The following ASGR2 variants were observed in gnomAD, a reference collection of about 807,000 sequenced individuals.
ASGR2 encodes asialoglycoprotein receptor 2.
In ASGR2, 34 loss-of-function variants were observed where a neutral mutation model predicts 32.3. The ratio of observed to expected loss-of-function variants is 1.05; its 90% CI spans 0.80 to 1.40. The LOEUF (loss-of-function observed/expected upper bound fraction) is 1.40. Ranked by LOEUF, ASGR2 falls within the 40% of genes most tolerant of loss-of-function variation. The pLI is 0.00. For missense variants in ASGR2, 385 were observed against 386.4 expected (o/e 1.00, Z 0.03); for synonymous variants, 143 against 150.0 (o/e 0.95, Z 0.34).
upstream of ASGR2, chr17:7,115,124 C>T (rs76190581): frequency 0.2 from 123,870 of 619,828 alleles, 13,773 homozygotes; most frequent in South Asian, 0.3. The surrounding 1 kb of genome is among the most constrained non-coding windows in gnomAD (Gnocchi z 4.2). Flanking sequence ...TTGCCCAATC[C>T]GGCATCTGAA....
rs994087647 is a variant in ASGR2 at position 7,113,765 on chromosome 17, G to A, written c.124+352C>T. 6.7e-6 allele frequency among the ~76,000 whole-genome samples: 1 copy of A among 148,648 alleles called. No homozygotes were observed. Among genetic ancestry groups the A allele is most frequent in the Non-Finnish European group, 1.5e-5 (1 of 67,428 alleles). ...ACATACACACACACAACATATGCAC[G>A]CTCTCGCGCACATATACACACACAC... On this transcript the variant is annotated intron_variant, in intron 2 of 8. Transcript: ENST00000691900. The surrounding 1 kb of genome is among the most constrained non-coding windows in gnomAD (Gnocchi z 5.1).
chr17:7,114,192 C>T lies in ASGR2; in HGVS notation c.49G>A (p.Asp17Asn). 1 of 1,614,170 alleles carries T rather than the reference C, an allele frequency of 6.2e-7. No individual in the cohort carries two copies. The highest frequency in any genetic ancestry group is 1.1e-5 in the South Asian group (1 of 91,078). ...CCCTCACCTTGATGGAAAGGATGGT[C>T]ATTTTCCTCCGAGCTCAGCTGCTGG... ...DIQQLSSEEN[D>N]HPFHQGEGPG... The change falls in exon 2 of 9, where the codon GAC (aspartate) becomes AAC (asparagine). Residue 17 changes from aspartate to asparagine, a missense_variant. Transcript: ENST00000691900. This position sits in a 1 kb window ranked among gnomAD's most constrained non-coding sequence, Gnocchi z 4.5.
rs1258542768 is a variant in ASGR2, at chr17:7,107,751, TACAC to T, written c.409+81_409+84del. On this transcript the variant is annotated intron_variant, in intron 5 of 8. Transcript: ENST00000691900. This position sits in a 1 kb window ranked among gnomAD's most constrained non-coding sequence, Gnocchi z 5.0. ...CACGCACGCACGCACACGTGCACAC[TACAC>T]ACACCGCACACGTACACACTACACA... is the stretch of plus-strand genomic sequence containing the variant. 1.9e-6 allele frequency: 1 copy of T among 523,686 alleles called. No homozygotes were observed. Among genetic ancestry groups the T allele is most frequent in the Admixed American group, 3.0e-5 (1 of 33,058 alleles). 32.4% of individuals were successfully genotyped at this position (523,686 alleles called of 1,614,324 possible). A position where few individuals can be genotyped will look rare whatever the true frequency, so the allele number is the denominator to read the frequency against.
In ASGR2 at chr17:7,110,957, C is replaced by T. The variant is rs991957241; in HGVS notation, c.125-2069G>A. On this transcript the variant is annotated intron_variant, in intron 2 of 8. Transcript: ENST00000691900. ...CAGGCAGAGCCCAAGAGACTCCCCACGTTGAGGAGATGGAGCTGAGAGTCC... is the reference window on the plus strand; with the variant it reads ...CAGGCAGAGCCCAAGAGACTCCCCATGTTGAGGAGATGGAGCTGAGAGTCC... Among the ~76,000 whole-genome samples, 4 of 152,202 alleles carry T rather than the reference C, an allele frequency of 2.6e-5. No homozygotes were observed. The East Asian group carries it at 7.7e-4, about 29-fold the overall frequency.
intron 2 of ASGR2, among the ~76,000 whole-genome samples, chr17:7,110,188 C>T (rs964176934): frequency 2.0e-5 from 3 of 152,154 alleles, no homozygotes; most frequent in African/African-American, 7.2e-5. Context: ...ACACCAGTGA[C>T]TTCCACCTTC....
Position 7,107,421 on chromosome 17 carries a change from T to A in ASGR2, c.410-104A>T. 1 of 1,164,822 alleles carries A rather than the reference T, an allele frequency of 8.6e-7. No individual in the cohort carries two copies. The highest frequency in any genetic ancestry group is 1.2e-6 in the Non-Finnish European group (1 of 808,386). The allele number at this position is 1,164,822 out of a possible 1,614,324, so 72.2% of individuals were successfully genotyped here. A position where few individuals can be genotyped will look rare whatever the true frequency, so the allele number is the denominator to read the frequency against. ...TATACACCCACAGACACGTACACCA[T>A]GCATAGACCACACCACACACCATAC... On this transcript the variant is annotated intron_variant, in intron 5 of 8. Coordinates refer to ENST00000691900, the MANE Select transcript of ASGR2 (RefSeq NM_001201352.2). This position sits in a 1 kb window ranked among gnomAD's most constrained non-coding sequence, Gnocchi z 5.0.
At chr17:7,104,646 A>C (rs1364994986) in intron 7 of ASGR2, among the ~76,000 whole-genome samples, 1 of 151,272 alleles carries the variant, frequency 6.6e-6, no homozygotes, top group African/African-American at 2.4e-5. Context: ...GCAAGTCTCC[A>C]TTTCAAAAAA....
In ASGR2 at chr17:7,108,815, G is replaced by A; in HGVS notation, c.198C>T (p.Phe66=). The change falls in exon 3 of 9, where the codon TTC becomes TTT. Residue 66 remains phenylalanine, a synonymous_variant. Transcript: ENST00000691900. The surrounding 1 kb of genome is among the most constrained non-coding windows in gnomAD (Gnocchi z 4.9). ...MVCFSLLALS[F]NILLLVVICV... ...AGATGACCACCAGCAGCAGGATGTT[G>A]AAGCTCAGGGCAAGCAGACTGAAGC... is the stretch of plus-strand genomic sequence containing the variant. 6.2e-7 allele frequency: 1 copy of A among 1,614,044 alleles called. No individual in the cohort carries two copies. The highest frequency in any genetic ancestry group is 8.5e-7 in the Non-Finnish European group (1 of 1,179,992).
At position 7,108,905 on chromosome 17, in the gene ASGR2, T is replaced by G; in HGVS notation, c.125-17A>C. 6.5e-7 allele frequency: 1 copy of G among 1,548,214 alleles called. No individual in the cohort carries two copies. Among genetic ancestry groups the G allele is most frequent in the South Asian group, 1.2e-5 (1 of 84,822 alleles). On this transcript the variant is annotated splice_polypyrimidine_tract_variant and intron_variant, in intron 2 of 8. Coordinates refer to ENST00000691900, the MANE Select transcript of ASGR2 (RefSeq NM_001201352.2). This position sits in a 1 kb window ranked among gnomAD's most constrained non-coding sequence, Gnocchi z 4.9. ...GAGGTGGCCCTGTGGGAGAGGGGCA[T>G]CAGGAGCCGGCAGCCTGGGTGTGGG...
rs1267343217 is a variant in ASGR2, at chr17:7,114,166, CCCCTCA to C, written c.69_74del (p.Glu24_Gly25del). 3.1e-6 allele frequency: 5 copies of C among 1,614,214 alleles called. No homozygotes were observed. In the South Asian group the frequency reaches 5.5e-5, roughly 18 times the overall value. The stretch of plus-strand genomic sequence containing the variant: ...TGGGATTCAGCCTGCGAGTGCCTGG[CCCCTCA>C]CCTTGATGGAAAGGATGGTCATTTT... On this transcript the variant is annotated inframe_deletion, in exon 2 of 9. Transcript: ENST00000691900. This position sits in a 1 kb window ranked among gnomAD's most constrained non-coding sequence, Gnocchi z 4.5.
intron 7 of ASGR2, among the ~76,000 whole-genome samples, chr17:7,104,372 C>CAAAAAA (rs1478649379): frequency 1.2e-5 from 1 of 85,038 alleles, no homozygotes; most frequent in Admixed American, 1.3e-4. Flanking sequence ...AAAAAAAAAG[C>CAAAAAA]CAGGCGTAGT....
At position 7,108,988 on chromosome 17, in the gene ASGR2, G is replaced by T; in HGVS notation, c.125-100C>A. ...TGAGGAGGCATAACCTGGGCGGGGG[G>T]ATTGGTTGGGGCCATGGGGGGGGGT... is the stretch of plus-strand genomic sequence containing the variant. On this transcript the variant is annotated intron_variant, in intron 2 of 8. Coordinates refer to ENST00000691900, the MANE Select transcript of ASGR2 (RefSeq NM_001201352.2). This position sits in a 1 kb window ranked among gnomAD's most constrained non-coding sequence, Gnocchi z 4.9. The T allele has an allele frequency of 9.5e-5, 70 of 740,402 alleles. No homozygotes were observed. The highest frequency in any genetic ancestry group is 8.7e-5 in the East Asian group (2 of 23,110). 45.9% of individuals were successfully genotyped at this position (740,402 alleles called of 1,614,324 possible).
Position 7,113,327 on chromosome 17 carries a change from AAC to A in ASGR2, c.124+788_124+789del, listed in dbSNP as rs766808851. Among the ~76,000 whole-genome samples the A allele has an allele frequency of 3.5e-5, 5 of 141,672 alleles. No individual in the cohort carries two copies. The highest frequency in any genetic ancestry group is 2.5e-4 in the South Asian group (1 of 4,000). 92.9% of individuals were successfully genotyped at this position (141,672 alleles called of 152,430 possible). A position where few individuals can be genotyped will look rare whatever the true frequency, so the allele number is the denominator to read the frequency against. On this transcript the variant is annotated intron_variant, in intron 2 of 8. Transcript: ENST00000691900. This position sits in a 1 kb window ranked among gnomAD's most constrained non-coding sequence, Gnocchi z 5.1. The stretch of plus-strand genomic sequence containing the variant: ...ACACATACAATCACATACACACACT[AAC>A]ACACACACTCACGCAACACACTCAC...
chr17:7,104,366 A>AAAAAAAAAAAAAAAAAAC, intron 7 of ASGR2, among the ~76,000 whole-genome samples: 1 of 150,652 alleles, frequency 6.6e-6, no homozygotes, highest in Non-Finnish European at 1.5e-5. Flanking sequence ...AAAAAAAAAA[A>AAAAAAAAAAAAAAAAAAC]AAAAGCCAGG....
At position 7,105,391 on chromosome 17, in the gene ASGR2, G is replaced by A. The variant is rs541776633; in HGVS notation, c.648+1609C>T. Among the ~76,000 whole-genome samples, 34 of 152,276 alleles carry A rather than the reference G, an allele frequency of 2.2e-4. No individual in the cohort carries two copies. In the South Asian group the frequency reaches 3.9e-3, roughly 18 times the overall value. ...TCAAAAACAAAACCTGCCAGGTGCA[G>A]TTTTTGGATTACAGTGGCTCAGACA... On this transcript the variant is annotated intron_variant, in intron 7 of 8. Transcript: ENST00000691900.
rs1232709181 is a variant in ASGR2 at position 7,113,254 on chromosome 17, G to A, written c.124+863C>T. Among the ~76,000 whole-genome samples the A allele has an allele frequency of 2.6e-5, 4 of 151,462 alleles. No individual in the cohort carries two copies. The highest frequency in any genetic ancestry group is 9.7e-5 in the African/African-American group (4 of 41,190). On this transcript the variant is annotated intron_variant, in intron 2 of 8. Coordinates refer to ENST00000691900, the MANE Select transcript of ASGR2 (RefSeq NM_001201352.2). The surrounding 1 kb of genome is among the most constrained non-coding windows in gnomAD (Gnocchi z 5.1). ...TCTTCCAGGATCTCTCTGTGCTCAC[G>A]TCCCCCACCCATCCCAACTCACCCC... is the stretch of plus-strand genomic sequence containing the variant.
At position 7,111,604 on chromosome 17, in the gene ASGR2, C is replaced by T. The variant is rs576951115; in HGVS notation, c.124+2513G>A. Among the ~76,000 whole-genome samples the T allele has an allele frequency of 9.4e-5, 14 of 149,032 alleles. No homozygotes were observed. In the South Asian group the frequency reaches 3.0e-3, roughly 32 times the overall value. On this transcript the variant is annotated intron_variant, in intron 2 of 8. Transcript: ENST00000691900. ...CCGGGAGGCAGAGCTTGCAGTGAGCCAAGATCGCGCCACTGCACTCCGGCC... is the reference window on the plus strand; with the variant it reads ...CCGGGAGGCAGAGCTTGCAGTGAGCTAAGATCGCGCCACTGCACTCCGGCC...
At chr17:7,103,548 G>A (rs1365687298) in intron 7 of ASGR2, among the ~76,000 whole-genome samples, 5 of 152,186 alleles carry the variant, frequency 3.3e-5, no homozygotes, top group Non-Finnish European at 5.9e-5. Context: ...GATGATCAGA[G>A]AAGACAGTCC....
chr17:7,101,933 A>G (rs1291510230), intron 8 of ASGR2, among the ~76,000 whole-genome samples, 157 bp downstream of exon 8: 2 of 152,146 alleles, frequency 1.3e-5, no homozygotes, highest in East Asian at 3.9e-4. Flanking sequence ...CCTCACCCCC[A>G]GCCCAGAAGA....
Sources: gnomAD v4.1 joint callset for allele counts (sites outside exome capture counted in the v4.1 genomes callset) on GRCh38, gnomAD v4.1.1 for gene constraint, Gnocchi (gnomAD v3.1) non-coding constraint, MANE v1.5 for transcripts, NCBI Gene and HGNC (gene_info 2026-07-23, HGNC 2026-07-21) for gene names.